Variants in ELFN2 observed in about 807,000 individuals in gnomAD.
ELFN2 encodes the protein protein phosphatase 1 regulatory subunit 29.
In ELFN2, 17 loss-of-function variants were observed where a neutral mutation model predicts 45.5. The ratio of observed to expected loss-of-function variants is 0.37; its 90% CI spans 0.26 to 0.56. The LOEUF (loss-of-function observed/expected upper bound fraction) is 0.56, where lower values mean the gene tolerates loss of function less well. ELFN2 is among the 20% of genes least tolerant of loss of function. The pLI is 0.77. For synonymous variants in ELFN2, 550 were observed against 551.5 expected, an observed-to-expected ratio of 1.00 and a Z score of 0.04; for missense variants, 922 against 1,183.2, an observed-to-expected ratio of 0.78 and a Z score of 3.24.
chr22:37,373,328 C>T lies in ELFN2; in HGVS notation c.2207G>A (p.Arg736His). The change falls in exon 3 of 3, where the codon CGC (arginine) becomes CAC (histidine). Residue 736 changes from arginine (R) to histidine (H), a missense_variant. Physicochemically the swap from Arg to His is conservative, Grantham distance 29. Around this residue, in one of 2 missense-constraint regions of ELFN2, gnomAD observed 564 missense variants for 642.8 expected, o/e 0.88. Transcript: ENST00000402918. Reference protein sequence around the residue: ...QRVSFLKPLTRSKRDSTYSQL... With the variant: ...QRVSFLKPLTHSKRDSTYSQL... ...CGAGTAGGTGGAGTCACGCTTGGAG[C>T]GGGTCAGCGGCTTGAGGAAGGACAC... The T allele has an allele frequency of 6.8e-6, 11 of 1,613,566 alleles. No individual in the cohort carries two copies. The highest frequency in any genetic ancestry group is 9.3e-6 in the Non-Finnish European group (11 of 1,179,992).
At chr22:37,349,673 G>A (rs1930779922) in intron 1 of ELFN2, among the ~76,000 whole-genome samples, 1 of 151,056 alleles carries the variant, frequency 6.6e-6, no homozygotes, top group Non-Finnish European at 1.5e-5. Context: ...GGGCCTTGCA[G>A]GGCACACTCA....
In ELFN2 at chr22:37,373,955, C is replaced by T; in HGVS notation, c.1580G>A (p.Gly527Asp). The change falls in exon 3 of 3, where the codon GGC becomes GAC. Residue 527 changes from glycine (G) to aspartate (D), a missense_variant. Physicochemically the swap from Gly to Asp is moderately conservative, Grantham distance 94. This residue lies in a region of ELFN2 where 564 missense variants were observed against 642.8 expected (regional missense o/e 0.88). Coordinates refer to ENST00000402918, the MANE Select transcript of ELFN2 (RefSeq NM_052906.5). Reference protein sequence around the residue: ...PEDDLPDLENGQGSAAEISTI... With the variant: ...PEDDLPDLENDQGSAAEISTI... Reference sequence around the variant, plus strand: ...GGAGATCTCTGCAGCCGAGCCCTGGCCGTTCTCGAGGTCCGGGAGGTCATC... The same window carrying T: ...GGAGATCTCTGCAGCCGAGCCCTGGTCGTTCTCGAGGTCCGGGAGGTCATC... The T allele has an allele frequency of 6.2e-6, 10 of 1,612,462 alleles. No individual in the cohort carries two copies. Among genetic ancestry groups the T allele is most frequent in the Non-Finnish European group, 8.5e-6 (10 of 1,179,746 alleles).
chr22:37,425,362 G>A (rs1264788639), intron 1 of ELFN2, among the ~76,000 whole-genome samples: 3 of 152,170 alleles, frequency 2.0e-5, no homozygotes, highest in Non-Finnish European at 2.9e-5. Flanking sequence ...CAGGACTTAA[G>A]GAAAGGGGTC....
intron 1 of ELFN2, among the ~76,000 whole-genome samples, chr22:37,343,311 C>T (rs1248173902): frequency 6.6e-6 from 1 of 152,128 alleles, no homozygotes; most frequent in East Asian, 1.9e-4. Context: ...GCCCCTATGC[C>T]CCTGGGCTCC....
intron 2 of ELFN2, among the ~76,000 whole-genome samples, chr22:37,398,754 C>T (rs1033736180): frequency 3.7e-5 from 5 of 135,106 alleles, no homozygotes; most frequent in African/African-American, 8.3e-5. Context: ...TGCACACACA[C>T]GCATCTACAC....
intron 1 of ELFN2, among the ~76,000 whole-genome samples, chr22:37,348,454 C>T (rs561725953): frequency 6.6e-6 from 1 of 150,956 alleles, no homozygotes; most frequent in African/African-American, 2.4e-5. Flanking sequence ...GGAGGAGAAA[C>T]GAGGCTGAGG....
chr22:37,423,997 C>T (rs929131583), intron 1 of ELFN2, among the ~76,000 whole-genome samples: 1 of 152,130 alleles, frequency 6.6e-6, no homozygotes, highest in African/African-American at 2.4e-5. Context: ...ACCTTCTAGA[C>T]GATTAACACA....
At chr22:37,410,808 C>A (rs888271710) in intron 2 of ELFN2, among the ~76,000 whole-genome samples, 3 of 152,194 alleles carry the variant, frequency 2.0e-5, no homozygotes, top group African/African-American at 7.2e-5. Flanking sequence ...TGGGATGGAA[C>A]CCACGCGTCT....
At chr22:37,366,295 A>T (rs1346723517), downstream of ELFN2, among the ~76,000 whole-genome samples, 1 of 152,238 alleles carries the variant, frequency 6.6e-6, no homozygotes, top group Non-Finnish European at 1.5e-5. Flanking sequence ...TTAGGGAATA[A>T]AAGTGACTTT....
intron 1 of ELFN2, among the ~76,000 whole-genome samples, chr22:37,357,945 A>G (rs1226905191): frequency 6.6e-6 from 1 of 152,176 alleles, no homozygotes; most frequent in Non-Finnish European, 1.5e-5. Context: ...GCCGAAGTGA[A>G]GTCCCACAGC....
intron 1 of ELFN2, among the ~76,000 whole-genome samples, chr22:37,421,834 A>G (rs1303803005): frequency 6.6e-6 from 1 of 152,346 alleles, no homozygotes; most frequent in East Asian, 1.9e-4. Context: ...CAATAGGCAG[A>G]TGTAGGAAAT....
chr22:37,407,679 C>T (rs1358046842), intron 2 of ELFN2, among the ~76,000 whole-genome samples: 3 of 151,736 alleles, frequency 2.0e-5, no homozygotes, highest in African/African-American at 4.8e-5. Context: ...GGGCGGATCA[C>T]GAGGTCAGGA....
At chr22:37,343,785 C>G (rs572129583) in intron 1 of ELFN2, among the ~76,000 whole-genome samples, 6 of 151,334 alleles carry the variant, frequency 4.0e-5, no homozygotes, top group African/African-American at 1.5e-4. Context: ...CCTATCTAGC[C>G]CCTCCAGCTC....
chr22:37,395,657 C>T (rs1569138543), intron 2 of ELFN2, among the ~76,000 whole-genome samples: 3 of 152,170 alleles, frequency 2.0e-5, no homozygotes, highest in South Asian at 2.1e-4. Context: ...TCCTCACCCA[C>T]GGGGGGCAGG....
intron 2 of ELFN2, among the ~76,000 whole-genome samples, chr22:37,406,224 G>A (rs991646386): frequency 2.8e-4 from 43 of 152,224 alleles, no homozygotes; most frequent in Admixed American, 2.0e-3. Flanking sequence ...TGAACGAGGT[G>A]ATACGTGAAA....
At chr22:37,411,789 T>A (rs1256487523) in intron 2 of ELFN2, among the ~76,000 whole-genome samples, 1 of 152,050 alleles carries the variant, frequency 6.6e-6, no homozygotes, top group Non-Finnish European at 1.5e-5. Context: ...CCAATCCTAT[T>A]TCACTCCATC....
intron 2 of ELFN2, among the ~76,000 whole-genome samples, chr22:37,416,664 A>T (rs939229562): frequency 1.3e-5 from 2 of 152,022 alleles, no homozygotes; most frequent in African/African-American, 4.8e-5. Flanking sequence ...CCACAGGGGC[A>T]GGCAGGATAA....
intron 2 of ELFN2, among the ~76,000 whole-genome samples, chr22:37,414,466 G>A (rs913930484): frequency 2.0e-5 from 3 of 152,186 alleles, no homozygotes; most frequent in African/African-American, 7.2e-5. Context: ...CTGGCACATA[G>A]CAGATGCTCA....
At chr22:37,360,747 C>T (rs1011466099) in intron 1 of ELFN2, among the ~76,000 whole-genome samples, 1 of 152,160 alleles carries the variant, frequency 6.6e-6, no homozygotes, top group Admixed American at 6.5e-5. Context: ...GAAATGGGAG[C>T]TGCAGAAACT....
Sources: allele counts gnomAD v4.1 joint callset (sites outside exome capture counted in the v4.1 genomes callset), GRCh38; gene constraint gnomAD v4.1.1; regional missense constraint gnomAD v4.1.1; transcripts MANE v1.5; gene names NCBI Gene and HGNC (gene_info 2026-07-23, HGNC 2026-07-21).